The following PTPRN2 variants were observed in gnomAD, a reference collection of about 807,000 sequenced individuals.
The protein encoded by PTPRN2 is receptor-type tyrosine-protein phosphatase N2.
In PTPRN2, 74 loss-of-function variants were observed where a neutral mutation model predicts 118.8. The ratio of observed to expected loss-of-function variants is 0.62; its 90% CI spans 0.52 to 0.76. The LOEUF is 0.76. PTPRN2 is among the 30% of genes least tolerant of loss of function. The pLI, the probability that PTPRN2 is intolerant of heterozygous loss-of-function variation, is 0.00. For missense variants in PTPRN2, 1,481 were observed against 1,394.4 expected, an observed-to-expected ratio of 1.06 and a Z score of -0.99; for synonymous variants, 641 against 608.0, an observed-to-expected ratio of 1.05 and a Z score of -0.80.
chr7:157,907,922 C>T (rs6944306), intron 11 of PTPRN2, among the ~76,000 whole-genome samples: 75,513 of 151,956 alleles, frequency 0.5, 21,364 homozygotes, highest in African/African-American at 0.77. Context: ...TCCACTAGGA[C>T]GTCCAATGGT....
In PTPRN2 at chr7:158,269,869, CAGAA is replaced by C. The variant is rs201628169; in HGVS notation, c.277+46946_277+46949del. Among the ~76,000 whole-genome samples the C allele has an allele frequency of 9.9e-3, 1,502 of 151,308 alleles. 23 individuals carry two copies. The highest frequency in any genetic ancestry group is 0.033 in the African/African-American group (1,379 of 41,166). On this transcript the variant is annotated intron_variant, in intron 3 of 22. Coordinates refer to ENST00000389418, the MANE Select transcript of PTPRN2 (RefSeq NM_002847.5). Reference sequence around the variant, plus strand: ...TCGGAGACACAGAGACAGAGAGAGACAGAAAGAGACAGAGAGAGACAGAGAGACA... The same window carrying C: ...TCGGAGACACAGAGACAGAGAGAGACAGAGACAGAGAGAGACAGAGAGACA...
chr7:157,605,103 C>T (rs1197964013), intron 15 of PTPRN2, among the ~76,000 whole-genome samples: 1 of 152,258 alleles, frequency 6.6e-6, no homozygotes, highest in African/African-American at 2.4e-5. Flanking sequence ...GCCTGGCAGG[C>T]CACGTTTGGC....
intron 13 of PTPRN2, among the ~76,000 whole-genome samples, chr7:157,673,377 CG>C: frequency 1.3e-5 from 2 of 152,310 alleles, no homozygotes; most frequent in East Asian, 3.9e-4. Flanking sequence ...GCCACGGAGA[CG>C]TTACATTTTG....
rs1825850200 is a variant in PTPRN2 at position 158,192,465 on chromosome 7, C to T, written c.411G>A (p.Arg137=). 1 of 1,578,440 alleles carries T rather than the reference C, an allele frequency of 6.3e-7. No homozygotes were observed. The highest frequency in any genetic ancestry group is 8.6e-7 in the Non-Finnish European group (1 of 1,167,288). ...RPSKHSVGSE[R]RYSREGGAAL... is the part of the protein sequence containing the mutation. ...CAGCACCGCCCTCCCGACTGTACCT[C>T]CTCTCGCTGCCAACGCTGTGTTTTG... The change falls in exon 5 of 23, where the codon AGG becomes AGA. Residue 137 remains arginine (R), a synonymous_variant. Coordinates refer to ENST00000389418, the MANE Select transcript of PTPRN2 (RefSeq NM_002847.5).
chr7:158,492,868 C>A (rs761326473), intron 1 of PTPRN2, among the ~76,000 whole-genome samples: 1 of 152,250 alleles, frequency 6.6e-6, no homozygotes, highest in Non-Finnish European at 1.5e-5. Context: ...GGGCTCCACA[C>A]CCGCCATGTG....
intron 12 of PTPRN2, among the ~76,000 whole-genome samples, chr7:157,889,522 G>A (rs1339193241): frequency 6.6e-6 from 1 of 152,194 alleles, no homozygotes; most frequent in Non-Finnish European, 1.5e-5. Context: ...GGGCCTTCAT[G>A]TCCTCAGCTT....
At chr7:157,602,219 GC>G (rs1337780749) in intron 16 of PTPRN2, among the ~76,000 whole-genome samples, 1 of 152,198 alleles carries the variant, frequency 6.6e-6, no homozygotes, top group Non-Finnish European at 1.5e-5. Context: ...AGTACACTAG[GC>G]CAGTTCTTCA....
At chr7:158,238,677 C>T (rs1795713016) in intron 3 of PTPRN2, among the ~76,000 whole-genome samples, 1 of 152,168 alleles carries the variant, frequency 6.6e-6, no homozygotes, top group African/African-American at 2.4e-5. Flanking sequence ...GTCGCAGCTC[C>T]ACACGGACAG....
In PTPRN2 at chr7:157,596,827, G is replaced by A. The variant is rs185563157; in HGVS notation, c.2419-1512C>T. 1.7e-4 allele frequency among the ~76,000 whole-genome samples: 26 copies of A among 152,318 alleles called. No individual in the cohort carries two copies. The highest frequency in any genetic ancestry group is 1.4e-3 in the Admixed American group (21 of 15,302). On this transcript the variant is annotated intron_variant, in intron 16 of 22. Coordinates refer to ENST00000389418, the MANE Select transcript of PTPRN2 (RefSeq NM_002847.5). This position sits in a 1 kb window ranked among gnomAD's most constrained non-coding sequence, Gnocchi z 4.2. ...CTCTTTTGCTATCAGGGTTTGATTC[G>A]AGATTTACAATGTTCAGATTTCAAG...
intron 3 of PTPRN2, among the ~76,000 whole-genome samples, chr7:158,282,478 C>A (rs1240303087): frequency 6.6e-6 from 1 of 152,236 alleles, no homozygotes; most frequent in Non-Finnish European, 1.5e-5. Context: ...ATGTCCACAG[C>A]CAGGAAGCCG....
At chr7:158,290,159 C>T (rs1288407901) in intron 3 of PTPRN2, among the ~76,000 whole-genome samples, 1 of 150,350 alleles carries the variant, frequency 6.7e-6, no homozygotes, top group Non-Finnish European at 1.5e-5. Context: ...CCTAAGTCTG[C>T]AGAAGTGGTC....
intron 12 of PTPRN2, among the ~76,000 whole-genome samples, chr7:157,770,740 C>CA (rs1200334592): frequency 6.6e-6 from 1 of 152,218 alleles, no homozygotes; most frequent in East Asian, 1.9e-4. Flanking sequence ...CAGCTCCAGA[C>CA]ACAGCAAGGT....
chr7:157,605,366 A>G (rs1255505204), intron 15 of PTPRN2, among the ~76,000 whole-genome samples: 1 of 152,226 alleles, frequency 6.6e-6, no homozygotes, highest in Non-Finnish European at 1.5e-5. Context: ...GATACCAGGA[A>G]CCACAGGGTC....
chr7:158,353,626 G>A (rs1157609776), intron 2 of PTPRN2, among the ~76,000 whole-genome samples: 1 of 152,150 alleles, frequency 6.6e-6, no homozygotes, highest in African/African-American at 2.4e-5. Context: ...CAACATCTGA[G>A]AACCCAGAGG....
intron 3 of PTPRN2, among the ~76,000 whole-genome samples, chr7:158,239,680 C>T (rs1257634075): frequency 6.6e-6 from 1 of 152,226 alleles, no homozygotes; most frequent in Non-Finnish European, 1.5e-5. Flanking sequence ...CCAGCAGCCC[C>T]GCTTCAGTGC....
At chr7:158,133,313 C>T (rs927765005) in intron 9 of PTPRN2, among the ~76,000 whole-genome samples, 3 of 152,202 alleles carry the variant, frequency 2.0e-5, no homozygotes, top group African/African-American at 7.2e-5. Context: ...CTTACCTGCC[C>T]CGAGACCCCA....
At chr7:157,543,944 G>A (rs1055741039) in intron 22 of PTPRN2, among the ~76,000 whole-genome samples, 7 of 152,340 alleles carry the variant, frequency 4.6e-5, no homozygotes, top group South Asian at 2.1e-4. Flanking sequence ...GGACAGAGAC[G>A]GAGATGGAGA....
In PTPRN2 at chr7:157,934,982, T is replaced by C. The variant is rs556539010; in HGVS notation, c.1724-36245A>G. Among the ~76,000 whole-genome samples, 4 of 152,370 alleles carry C rather than the reference T, an allele frequency of 2.6e-5. No individual in the cohort carries two copies. In the East Asian group the frequency reaches 5.8e-4, roughly 22 times the overall value. ...AGAACCTTAAAGAGTTGTCAAATTGTCTCCTGGTTTCTGCTGTTTCTAGTG... is the reference window on the plus strand; with the variant it reads ...AGAACCTTAAAGAGTTGTCAAATTGCCTCCTGGTTTCTGCTGTTTCTAGTG... On this transcript the variant is annotated intron_variant, in intron 11 of 22. Transcript: ENST00000389418.
Position 158,009,868 on chromosome 7 carries a change from G to A in PTPRN2, c.1723+71430C>T, listed in dbSNP as rs112260530. Among the ~76,000 whole-genome samples the A allele has an allele frequency of 9.9e-3, 1,502 of 152,292 alleles. 13 individuals are homozygous for A. The highest frequency in any genetic ancestry group is 0.018 in the Non-Finnish European group (1,225 of 68,024). On this transcript the variant is annotated intron_variant, in intron 11 of 22. Transcript: ENST00000389418. ...CACTCACTGCACACTTGAAACTCTTGGATTTCCACACTCATCATCACTGAT... is the reference window on the plus strand; with the variant it reads ...CACTCACTGCACACTTGAAACTCTTAGATTTCCACACTCATCATCACTGAT...
Sources: allele counts gnomAD v4.1 joint callset (sites outside exome capture counted in the v4.1 genomes callset), GRCh38; gene constraint gnomAD v4.1.1; non-coding constraint Gnocchi (gnomAD v3.1); transcripts MANE v1.5; gene names NCBI Gene and HGNC (gene_info 2026-07-23, HGNC 2026-07-21).